PHACTR1: variants seen among roughly 807,000 people sequenced by gnomAD.
The protein encoded by PHACTR1 is phosphatase and actin regulator 1.
Under a neutral mutation model 69.2 loss-of-function variants are expected in PHACTR1, and 16 were observed. That is an observed-to-expected ratio of 0.23 (90% confidence interval 0.16 to 0.35). The LOEUF (loss-of-function observed/expected upper bound fraction) is 0.35. Ranked by LOEUF, PHACTR1 falls within the 10% of genes least tolerant of loss-of-function variation. The pLI is 1.00. For synonymous variants in PHACTR1, 312 were observed against 284.5 expected (o/e 1.10, Z -0.97); for missense variants, 510 against 734.7 (o/e 0.69, Z 3.54).
In PHACTR1 at chr6:12,759,442, C is replaced by CAA. The variant is rs5874377; in HGVS notation, c.250+9665_250+9666dup. ...ATCCTAAACTCAGAAAAGGCATTTG[C>CAA]AAAAAAAAAAAAAATCCTACTTTGG... On this transcript the variant is annotated intron_variant, in intron 4 of 14. Coordinates refer to ENST00000332995, the MANE Select transcript of PHACTR1 (RefSeq NM_030948.6). Among the ~76,000 whole-genome samples, 850 of 132,546 alleles carry CAA rather than the reference C, an allele frequency of 6.4e-3. 4 individuals are homozygous for CAA. The highest frequency in any genetic ancestry group is 0.019 in the Middle Eastern group (5 of 270). The allele number at this position is 132,546 out of a possible 152,430, so 87.0% of individuals were successfully genotyped here.
At chr6:12,795,117 C>T (rs1772809657) in intron 4 of PHACTR1, among the ~76,000 whole-genome samples, 1 of 152,092 alleles carries the variant, frequency 6.6e-6, no homozygotes, top group Admixed American at 6.6e-5. Flanking sequence ...CTAACAAGCT[C>T]CTGGGTGATG....
At chr6:12,886,880 G>T (rs1185825332) in intron 4 of PHACTR1, among the ~76,000 whole-genome samples, 1 of 152,066 alleles carries the variant, frequency 6.6e-6, no homozygotes, top group Non-Finnish European at 1.5e-5. Flanking sequence ...TCAAAAAACA[G>T]TAGCAAGAGG....
chr6:12,875,307 C>T (rs1370447096), intron 4 of PHACTR1, among the ~76,000 whole-genome samples: 1 of 152,194 alleles, frequency 6.6e-6, no homozygotes, highest in East Asian at 1.9e-4. Context: ...AGCCCTGGGC[C>T]AGGAGTCAAG....
intron 4 of PHACTR1, among the ~76,000 whole-genome samples, chr6:12,853,557 C>T (rs562543208): frequency 1.3e-5 from 2 of 152,096 alleles, no homozygotes; most frequent in African/African-American, 4.8e-5. Context: ...AAAGACATAC[C>T]CAAGACTGGG....
chr6:12,830,153 G>GA (rs1777371875), intron 4 of PHACTR1, among the ~76,000 whole-genome samples: 1 of 128,110 alleles, frequency 7.8e-6, no homozygotes, highest in Non-Finnish European at 1.7e-5. Flanking sequence ...AAGAAAGAAA[G>GA]AAAGACATCT....
intron 4 of PHACTR1, among the ~76,000 whole-genome samples, chr6:12,893,900 G>A (rs1232307827): frequency 1.3e-5 from 2 of 152,186 alleles, no homozygotes; most frequent in African/African-American, 4.8e-5. Context: ...CTATGTAACT[G>A]ATGTCAGCTG....
rs892905878 is a variant in PHACTR1 at position 12,794,483 on chromosome 6, A to G, written c.250+44693A>G. 5.9e-5 allele frequency among the ~76,000 whole-genome samples: 9 copies of G among 152,252 alleles called. 1 individual carries two copies. Among genetic ancestry groups the G allele is most frequent in the Admixed American group, 5.9e-4 (9 of 15,288 alleles). On this transcript the variant is annotated intron_variant, in intron 4 of 14. Coordinates refer to ENST00000332995, the MANE Select transcript of PHACTR1 (RefSeq NM_030948.6). ...TGCTGGGCATAGAGCAGCCCTATGCAATAGAAATTCATGAAACTTTACCTT... is the reference window on the plus strand; with the variant it reads ...TGCTGGGCATAGAGCAGCCCTATGCGATAGAAATTCATGAAACTTTACCTT...
intron 4 of PHACTR1, among the ~76,000 whole-genome samples, chr6:12,854,106 C>G (rs1010473237): frequency 1.3e-5 from 2 of 152,086 alleles, no homozygotes; most frequent in African/African-American, 4.8e-5. Context: ...AAAACGTAAC[C>G]TAGAGTTATG....
intron 10 of PHACTR1, among the ~76,000 whole-genome samples, chr6:13,262,442 G>A (rs75105136): frequency 0.028 from 4,227 of 152,234 alleles, 184 homozygotes; most frequent in African/African-American, 0.093. Flanking sequence ...GGAATCATCA[G>A]CATATTGATG....
intron 10 of PHACTR1, among the ~76,000 whole-genome samples, chr6:13,271,181 G>A (rs1164287398): frequency 6.6e-6 from 1 of 152,000 alleles, no homozygotes; most frequent in African/African-American, 2.4e-5. Flanking sequence ...GCTAATTTTT[G>A]TATTTTTAAT....
At chr6:12,780,784 A>G (rs12197422) in intron 4 of PHACTR1, among the ~76,000 whole-genome samples, 4 of 152,198 alleles carry the variant, frequency 2.6e-5, no homozygotes, top group Non-Finnish European at 5.9e-5. Context: ...CTAAAAACAT[A>G]CACAAAGCTT....
intron 5 of PHACTR1, among the ~76,000 whole-genome samples, chr6:13,058,263 G>C (rs1301247588): frequency 3.3e-5 from 5 of 152,198 alleles, no homozygotes; most frequent in African/African-American, 9.7e-5. Context: ...TTATAGAAAA[G>C]TAGAACTGGC....
chr6:13,094,113 T>C (rs1813740249), intron 5 of PHACTR1, among the ~76,000 whole-genome samples: 1 of 152,050 alleles, frequency 6.6e-6, no homozygotes, highest in Non-Finnish European at 1.5e-5. Flanking sequence ...GCTCAAGGGC[T>C]CAAGCAGTCC....
Position 13,202,163 on chromosome 6 carries a change from A to G in PHACTR1, c.665-3652A>G, listed in dbSNP as rs537497329. On this transcript the variant is annotated intron_variant, in intron 7 of 14. Coordinates refer to ENST00000332995, the MANE Select transcript of PHACTR1 (RefSeq NM_030948.6). ...CCTTTTCTTCCTTGCCTGTTTCCAT[A>G]GAATTGCTGGGGCTCACTTGGCCAA... 3.3e-5 allele frequency among the ~76,000 whole-genome samples: 5 copies of G among 152,346 alleles called. No homozygotes were observed. In the South Asian group the frequency reaches 1.0e-3, roughly 32 times the overall value.
chr6:13,150,916 G>A (rs557002882), intron 5 of PHACTR1, among the ~76,000 whole-genome samples: 6 of 152,224 alleles, frequency 3.9e-5, no homozygotes, highest in Admixed American at 2.0e-4. Flanking sequence ...ACACTAATAC[G>A]TGGGTTGATT....
intron 4 of PHACTR1, among the ~76,000 whole-genome samples, chr6:12,980,733 C>T (rs1257193757): frequency 6.6e-6 from 1 of 152,116 alleles, no homozygotes; most frequent in Non-Finnish European, 1.5e-5. Context: ...TTACTTCATT[C>T]TAGAGACACT....
At chr6:13,004,484 C>T (rs1000129142) in intron 4 of PHACTR1, among the ~76,000 whole-genome samples, 3 of 151,944 alleles carry the variant, frequency 2.0e-5, no homozygotes, top group Admixed American at 1.3e-4. Flanking sequence ...TGTATTTTGT[C>T]GTTGTTATTG....
At chr6:12,944,777 A>ATTTATTTTTT (rs1554172498) in intron 4 of PHACTR1, among the ~76,000 whole-genome samples, 6 of 135,836 alleles carry the variant, frequency 4.4e-5, no homozygotes, top group African/African-American at 1.7e-4. Flanking sequence ...TTATTTATTT[A>ATTTATTTTTT]TTTTTATTTA....
At chr6:13,213,557 C>G (rs1767202379) in intron 8 of PHACTR1, among the ~76,000 whole-genome samples, 1 of 152,188 alleles carries the variant, frequency 6.6e-6, no homozygotes, top group Admixed American at 6.5e-5. Flanking sequence ...TTGAGTGTCT[C>G]TCCTCCAAAA....
Sources: allele counts gnomAD v4.1 joint callset (sites outside exome capture counted in the v4.1 genomes callset), GRCh38; gene constraint gnomAD v4.1.1; transcripts MANE v1.5; gene names NCBI Gene and HGNC (gene_info 2026-07-23, HGNC 2026-07-21).